PDE6C: variants seen among roughly 807,000 people sequenced by gnomAD.
PDE6C encodes phosphodiesterase 6C, also known as cone cGMP-specific 3',5'-cyclic phosphodiesterase subunit alpha'.
In PDE6C, 75 loss-of-function variants were observed where a neutral mutation model predicts 113.1. The observed-to-expected ratio is 0.66, with a 90% CI of 0.55 to 0.80. The LOEUF is 0.80. Ranked by LOEUF, PDE6C falls within the 30% of genes least tolerant of loss-of-function variation. The pLI, the probability that PDE6C is intolerant of heterozygous loss-of-function variation, is 0.00. For missense variants in PDE6C, 912 were observed against 1,038.6 expected (o/e 0.88, Z 1.67); for synonymous variants, 375 against 363.7 (o/e 1.03, Z -0.35).
intron 8 of PDE6C, among the ~76,000 whole-genome samples, chr10:93,633,290 A>G (rs565574461): frequency 6.6e-6 from 1 of 151,876 alleles, no homozygotes; most frequent in Non-Finnish European, 1.5e-5. Context: ...ACATGGTAAA[A>G]CCTCATCTTT....
intron 1 of PDE6C, among the ~76,000 whole-genome samples, chr10:93,616,572 G>A (rs146302199): frequency 6.6e-6 from 1 of 152,242 alleles, no homozygotes; most frequent in East Asian, 1.9e-4. Flanking sequence ...ATGCCAGTAG[G>A]CGTTTAGGAG....
At chr10:93,641,409 G>C (rs1036667955) in intron 14 of PDE6C, among the ~76,000 whole-genome samples, 1 of 152,094 alleles carries the variant, frequency 6.6e-6, no homozygotes, top group Middle Eastern at 3.2e-3. Flanking sequence ...GAGGCGGGCG[G>C]ATCAAGTGAG....
At chr10:93,650,939 C>T (rs2133872442) in intron 15 of PDE6C, among the ~76,000 whole-genome samples, 1 of 151,998 alleles carries the variant, frequency 6.6e-6, no homozygotes, top group South Asian at 2.1e-4. Flanking sequence ...CTGTAATTTC[C>T]ACTATTGTTT....
At chr10:93,640,696 C>G in intron 13 of PDE6C, 139 bp downstream of exon 13, 2 of 753,298 alleles carry the variant, frequency 2.7e-6, no homozygotes, top group Admixed American at 3.9e-5. Context: ...CAGATGAGTC[C>G]CAGTATCCTT....
intron 15 of PDE6C, among the ~76,000 whole-genome samples, chr10:93,654,213 G>A (rs911077281): frequency 6.6e-6 from 1 of 152,198 alleles, no homozygotes; most frequent in African/African-American, 2.4e-5. Flanking sequence ...CTGTTATTAT[G>A]CCCATATGAG....
chr10:93,630,372 C>T (rs1244189635), intron 8 of PDE6C, among the ~76,000 whole-genome samples: 1 of 144,248 alleles, frequency 6.9e-6, no homozygotes. Context: ...AGCCTGTCAT[C>T]TTCACCACCC....
intron 15 of PDE6C, 150 bp from the exon 16 acceptor site, chr10:93,655,610 C>CAAAAAAAAAAAAAAAAAAAGAAAGAA: frequency 7.5e-6 from 2 of 265,102 alleles, no homozygotes; most frequent in Non-Finnish European, 1.3e-5. Flanking sequence ...AAAAGCAAGC[C>CAAAAAAAAAAAAAAAAAAAGAAAGAA]AAAAAAAAAA....
chr10:93,661,190 T>G (rs2058664182), intron 18 of PDE6C, among the ~76,000 whole-genome samples: 1 of 152,118 alleles, frequency 6.6e-6, no homozygotes. Flanking sequence ...CTGGCAAAAT[T>G]TACATGGCCT....
At chr10:93,652,870 C>T (rs976625965) in intron 15 of PDE6C, among the ~76,000 whole-genome samples, 3 of 152,126 alleles carry the variant, frequency 2.0e-5, no homozygotes, top group Non-Finnish European at 4.4e-5. Flanking sequence ...ACGAGGAAGT[C>T]TCTGTCCCAA....
At chr10:93,636,407 T>TGTGTGTGTGTG (rs2058531353) in intron 10 of PDE6C, among the ~76,000 whole-genome samples, 5 of 148,298 alleles carry the variant, frequency 3.4e-5, no homozygotes, top group Admixed American at 6.7e-5. Context: ...TGTGTGTGTG[T>TGTGTGTGTGTG]AGTTTTGCTG....
At chr10:93,650,887 A>AT (rs911817054) in intron 15 of PDE6C, among the ~76,000 whole-genome samples, 5 of 151,202 alleles carry the variant, frequency 3.3e-5, no homozygotes, top group Non-Finnish European at 5.9e-5. Flanking sequence ...TATATGATAT[A>AT]TTTTTTTACC....
intron 14 of PDE6C, 45 bp downstream of exon 14, chr10:93,641,074 GGAAA>G (rs777697580): frequency 4.3e-6 from 5 of 1,157,630 alleles, no homozygotes; most frequent in Non-Finnish European, 6.5e-6. Flanking sequence ...GGTGGACATT[GGAAA>G]GTACTTAGGG....
chr10:93,645,898 T>A, intron 14 of PDE6C, 62 bp from the exon 15 acceptor site: 1 of 932,296 alleles, frequency 1.1e-6, no homozygotes, highest in Non-Finnish European at 1.7e-6. Flanking sequence ...AAATCCTGAA[T>A]TGTATGAACC....
At chr10:93,623,929 C>A (rs1241539870) in intron 4 of PDE6C, among the ~76,000 whole-genome samples, 1 of 152,058 alleles carries the variant, frequency 6.6e-6, no homozygotes, top group Non-Finnish European at 1.5e-5. Flanking sequence ...TTTAACCTAC[C>A]TGATTCTTGG....
rs191530321 is a variant in PDE6C at position 93,665,887 on chromosome 10, T to C, written c.*469T>C. 73 of 241,818 alleles carry C rather than the reference T, an allele frequency of 3.0e-4. 1 individual carries two copies. The East Asian group carries it at 8.3e-3, about 28-fold the overall frequency. 15.0% of individuals were successfully genotyped at this position (241,818 alleles called of 1,614,324 possible). A position where few individuals can be genotyped will look rare whatever the true frequency, so the allele number is the denominator to read the frequency against. Reference sequence around the variant, plus strand: ...GCCATCTTCTCCCTGTGTCTTCACATGGTCTTCCCTCTGTGTGTCTGTGTC... The same window carrying C: ...GCCATCTTCTCCCTGTGTCTTCACACGGTCTTCCCTCTGTGTGTCTGTGTC... On this transcript the variant is annotated 3_prime_UTR_variant, in exon 22 of 22. Coordinates refer to ENST00000371447, the MANE Select transcript of PDE6C (RefSeq NM_006204.4).
chr10:93,655,679 AT>A lies in PDE6C; in HGVS notation c.1936-77del, dbSNP rs554897515. 936 of 728,772 alleles carry A rather than the reference AT, an allele frequency of 1.3e-3. 6 individuals carry two copies. The highest frequency in any genetic ancestry group is 1.2e-3 in the Non-Finnish European group (487 of 397,806). 45.1% of individuals were successfully genotyped at this position (728,772 alleles called of 1,614,324 possible). A position where few individuals can be genotyped will look rare whatever the true frequency, so the allele number is the denominator to read the frequency against. On this transcript the variant is annotated intron_variant, in intron 15 of 21. Coordinates refer to ENST00000371447, the MANE Select transcript of PDE6C (RefSeq NM_006204.4). ...CAAAAAAGTGTTGAAAGACTTTTAG[AT>A]TTTCTTCTTGTTAAGCATAGTTTCA...
Position 93,613,029 on chromosome 10 carries a change from C to G in PDE6C, c.304C>G (p.Arg102Gly), listed in dbSNP as rs375795507. The G allele has an allele frequency of 2.5e-6, 4 of 1,614,030 alleles. No homozygotes were observed. The highest frequency in any genetic ancestry group is 1.3e-5 in the African/African-American group (1 of 74,918). Residue 102 changes from arginine to glycine, a missense_variant, in exon 1 of 22, where the codon CGG becomes GGG. Arg to Gly is a moderately radical substitution (Grantham distance 125). Coordinates refer to ENST00000371447, the MANE Select transcript of PDE6C (RefSeq NM_006204.4). ...QADRCSMFLC[R>G]SRNGIPEVAS... ...TGACCGCTGCAGCATGTTCCTGTGC[C>G]GGTCCCGGAACGGCATACCTGAGGT...
intron 8 of PDE6C, among the ~76,000 whole-genome samples, chr10:93,632,334 G>A (rs4919344): frequency 0.41 from 61,655 of 151,980 alleles, 12,649 homozygotes; most frequent in East Asian, 0.56. Flanking sequence ...TTAGGATATA[G>A]ACATCTTTGG....
rs2058526066 is a variant in PDE6C, at chr10:93,635,763, C to G, written c.1413+123C>G. ...TTACTCCTGGGCTGAGAGAGAGAGA[C>G]AGGGAAGGAGGGGTTGGAAGAAGAC... On this transcript the variant is annotated intron_variant, in intron 10 of 21. Coordinates refer to ENST00000371447, the MANE Select transcript of PDE6C (RefSeq NM_006204.4). 4 of 1,024,214 alleles carry G rather than the reference C, an allele frequency of 3.9e-6. No individual in the cohort carries two copies. In the East Asian group the frequency reaches 1.0e-4, roughly 26 times the overall value. The allele number at this position is 1,024,214 out of a possible 1,614,324, so 63.4% of individuals were successfully genotyped here. A position where few individuals can be genotyped will look rare whatever the true frequency, so the allele number is the denominator to read the frequency against.
Sources: gnomAD v4.1 joint callset for allele counts (sites outside exome capture counted in the v4.1 genomes callset) on GRCh38, gnomAD v4.1.1 for gene constraint, MANE v1.5 for transcripts, NCBI Gene and HGNC (gene_info 2026-07-23, HGNC 2026-07-21) for gene names.